The following SETD6 variants were observed in gnomAD, a reference collection of about 807,000 sequenced individuals.
SETD6 encodes the protein SET domain containing 6, protein lysine methyltransferase.
A neutral mutation model predicts 52.7 loss-of-function variants in SETD6; 67 were observed. That is an observed-to-expected ratio of 1.27 (90% confidence interval 1.04 to 1.56). The LOEUF is 1.56. Ranked by LOEUF, SETD6 falls within the 40% of genes most tolerant of loss-of-function variation. The probability of loss-of-function intolerance (pLI) is 0.00; values close to 1 mark genes in which losing one functional copy is unlikely to be tolerated. For missense variants in SETD6, 712 were observed against 607.5 expected (o/e 1.17, Z -1.81); for synonymous variants, 307 against 250.2 (o/e 1.23, Z -2.14).
rs749260064 is a variant in SETD6 at position 58,521,333 on chromosome 16, A to C, written c.*2304A>C. The C allele has an allele frequency of 1.2e-4, 196 of 1,593,902 alleles. No individual in the cohort carries two copies. Among genetic ancestry groups the C allele is most frequent in the Non-Finnish European group, 1.5e-4 (175 of 1,174,518 alleles). The stretch of plus-strand genomic sequence containing the variant: ...CAAGAGAACTCTGGAAAAAGGGAGA[A>C]AGAGCTAGTTAATGTATAGAAGCAT... On this transcript the variant is annotated 3_prime_UTR_variant, in exon 8 of 8. Transcript: ENST00000219315.
chr16:58,516,423 AC>A (rs1430568994), intron 3 of SETD6, 54 bp from the exon 4 acceptor site: 2 of 1,612,988 alleles, frequency 1.2e-6, no homozygotes, highest in Non-Finnish European at 1.7e-6. Context: ...CACCAGTCCT[AC>A]CCAGTAAAGT....
Position 58,518,897 on chromosome 16 carries a change from C to CTT in SETD6, c.1291_1292dup (p.Leu431PhefsTer2). On this transcript the variant is annotated frameshift_variant, in exon 8 of 8. Coordinates refer to ENST00000219315, the MANE Select transcript of SETD6 (RefSeq NM_001160305.4). LOFTEE classifies it high-confidence loss of function. ...TGACTTTGCAGACCTATGCCACAGA[C>CTT]TTAAAAACTGACCAAGGTTTACTCA... The CTT allele has an allele frequency of 6.2e-7, 1 of 1,614,154 alleles. No individual in the cohort carries two copies. The highest frequency in any genetic ancestry group is 8.5e-7 in the Non-Finnish European group (1 of 1,180,034).
rs749499838 is a variant in SETD6 at position 58,522,015 on chromosome 16, GAATT to G, written c.*2989_*2992del. 1.3e-5 allele frequency among the ~76,000 whole-genome samples: 2 copies of G among 151,226 alleles called. No homozygotes were observed. The highest frequency in any genetic ancestry group is 2.4e-5 in the African/African-American group (1 of 41,132). ...TCAATAAAAAGGAAACAGAAAATAAGAATTAAGTATTCTAACACTGCAGGCTGGG... is the reference window on the plus strand; with the variant it reads ...TCAATAAAAAGGAAACAGAAAATAAGAAGTATTCTAACACTGCAGGCTGGG... On this transcript the variant is annotated 3_prime_UTR_variant, in exon 8 of 8. Coordinates refer to ENST00000219315, the MANE Select transcript of SETD6 (RefSeq NM_001160305.4).
rs1183961399 is a variant in SETD6 at position 58,520,525 on chromosome 16, ATAT to A, written c.*1498_*1500del. On this transcript the variant is annotated 3_prime_UTR_variant, in exon 8 of 8. Coordinates refer to ENST00000219315, the MANE Select transcript of SETD6 (RefSeq NM_001160305.4). Reference sequence around the variant, plus strand: ...CCACATTAAAAAAATAAGTTACATAATATTCAAACTGGCTTTTTGCTATTCTTT... The same window carrying A: ...CCACATTAAAAAAATAAGTTACATAATCAAACTGGCTTTTTGCTATTCTTT... 5.8e-6 allele frequency: 1 copy of A among 173,684 alleles called. No individual in the cohort carries two copies. Among genetic ancestry groups the A allele is most frequent in the African/African-American group, 2.4e-5 (1 of 42,168 alleles). The allele number at this position is 173,684 out of a possible 1,614,324, so 10.8% of individuals were successfully genotyped here.
At position 58,520,753 on chromosome 16, in the gene SETD6, T is replaced by C; in HGVS notation, c.*1724T>C. On this transcript the variant is annotated 3_prime_UTR_variant, in exon 8 of 8. Transcript: ENST00000219315. The stretch of plus-strand genomic sequence containing the variant: ...TGATATTCACAGCATCTTCTAAATT[T>C]TGGCCAAGAGTCAAAAAAATGCATT... 1.7e-6 allele frequency: 1 copy of C among 574,304 alleles called. No individual in the cohort carries two copies. Among genetic ancestry groups the C allele is most frequent in the Non-Finnish European group, 3.1e-6 (1 of 321,828 alleles). 35.6% of individuals were successfully genotyped at this position (574,304 alleles called of 1,614,324 possible). A position where few individuals can be genotyped will look rare whatever the true frequency, so the allele number is the denominator to read the frequency against.
At chr16:58,517,304 C>A in intron 5 of SETD6, 1 of 330,384 alleles carries the variant, frequency 3.0e-6, no homozygotes, top group Non-Finnish European at 5.9e-6. Context: ...ATTCACAGGC[C>A]AAAGGTCTAA....
chr16:58,523,213 G>T lies in SETD6; in HGVS notation c.*4184G>T. The T allele has an allele frequency of 1.5e-6, 1 of 670,998 alleles. No homozygotes were observed. Among genetic ancestry groups the T allele is most frequent in the Non-Finnish European group, 2.3e-6 (1 of 435,474 alleles). The allele number at this position is 670,998 out of a possible 1,614,324, so 41.6% of individuals were successfully genotyped here. A position where few individuals can be genotyped will look rare whatever the true frequency, so the allele number is the denominator to read the frequency against. On this transcript the variant is annotated 3_prime_UTR_variant, in exon 8 of 8. Transcript: ENST00000219315. ...TGAGCCAAGATGGCGCCACTGTACT[G>T]CAGACTGAGTGACAGAGCAACACTC... is the stretch of plus-strand genomic sequence containing the variant.
In SETD6 at chr16:58,521,065, T is replaced by C. The variant is rs2039350337; in HGVS notation, c.*2036T>C. ...AAGGATGAAGACAGTTACAAATCTC[T>C]GATTAAAGAGTAGGCCTAACAATAC... On this transcript the variant is annotated 3_prime_UTR_variant, in exon 8 of 8. Transcript: ENST00000219315. The C allele has an allele frequency of 1.2e-6, 2 of 1,613,878 alleles. No individual in the cohort carries two copies. The highest frequency in any genetic ancestry group is 2.2e-5 in the South Asian group (2 of 91,088).
At chr16:58,516,383 A>G in intron 3 of SETD6, 40 bp downstream of exon 3, 1 of 1,569,650 alleles carries the variant, frequency 6.4e-7, no homozygotes, top group Non-Finnish European at 8.6e-7. Context: ...CCTGCACCGT[A>G]GCCTGCTGCA....
chr16:58,517,949 C>A, intron 5 of SETD6, 102 bp from the exon 6 acceptor site: 1 of 1,435,032 alleles, frequency 7.0e-7, no homozygotes, highest in South Asian at 1.2e-5. Flanking sequence ...CAGCATCAGT[C>A]ATGGCTGAAC....
Position 58,520,894 on chromosome 16 carries a change from C to A in SETD6, c.*1865C>A, listed in dbSNP as rs1485588324. The A allele has an allele frequency of 3.3e-6, 5 of 1,514,050 alleles. No homozygotes were observed. The highest frequency in any genetic ancestry group is 1.1e-5 in the South Asian group (1 of 89,210). The allele number at this position is 1,514,050 out of a possible 1,614,324, so 93.8% of individuals were successfully genotyped here. A position where few individuals can be genotyped will look rare whatever the true frequency, so the allele number is the denominator to read the frequency against. ...GGAAGAGCTGAAAGGATTCTTCAGT[C>A]AGTTTATGAACTCGGTGCAGTGAGA... On this transcript the variant is annotated 3_prime_UTR_variant, in exon 8 of 8. Coordinates refer to ENST00000219315, the MANE Select transcript of SETD6 (RefSeq NM_001160305.4).
In SETD6 at chr16:58,519,584, A is replaced by G. The variant is rs935521206; in HGVS notation, c.*555A>G. The stretch of plus-strand genomic sequence containing the variant: ...TCTCTGGCCATAAAACTTGACAGTC[A>G]TGAAAGGTAAGGCAAATTTTAAGTG... On this transcript the variant is annotated 3_prime_UTR_variant, in exon 8 of 8. Coordinates refer to ENST00000219315, the MANE Select transcript of SETD6 (RefSeq NM_001160305.4). 1 of 152,202 alleles carries G rather than the reference A, an allele frequency of 6.6e-6. No individual in the cohort carries two copies. The highest frequency in any genetic ancestry group is 1.5e-5 in the Non-Finnish European group (1 of 68,134). The allele number at this position is 152,202 out of a possible 1,614,324, so 9.4% of individuals were successfully genotyped here.
intron 5 of SETD6, 137 bp downstream of exon 5, chr16:58,517,065 C>T: frequency 7.9e-7 from 1 of 1,271,022 alleles, no homozygotes. Flanking sequence ...ATGCATATTA[C>T]TGTAGAATCA....
rs1247339376 is a variant in SETD6, at chr16:58,517,158, G to A, written c.792+230G>A. On this transcript the variant is annotated intron_variant, in intron 5 of 7. Transcript: ENST00000219315. ...ACTATACTACCATCATTTATTTAGT[G>A]CTAGACATTGAGTGGTCTGCATAGC... The A allele has an allele frequency of 1.4e-5, 8 of 584,566 alleles. No homozygotes were observed. In the East Asian group the frequency reaches 2.4e-4, roughly 17 times the overall value. The allele number at this position is 584,566 out of a possible 1,614,324, so 36.2% of individuals were successfully genotyped here. A position where few individuals can be genotyped will look rare whatever the true frequency, so the allele number is the denominator to read the frequency against.
chr16:58,516,597 A>AC lies in SETD6; in HGVS notation c.600dup (p.Asp201ArgfsTer24). 1 of 1,613,972 alleles carries AC rather than the reference A, an allele frequency of 6.2e-7. No homozygotes were observed. On this transcript the variant is annotated frameshift_variant, in exon 4 of 8. Transcript: ENST00000219315. LOFTEE classifies it high-confidence loss of function. The stretch of plus-strand genomic sequence containing the variant: ...ATCGTGCTGCCCTTCATGGAAGCCC[A>AC]CCCCGATCTCTTCAGCCTCAGGGTT...
At chr16:58,517,056 T>C in intron 5 of SETD6, 128 bp downstream of exon 5, 1 of 1,313,124 alleles carries the variant, frequency 7.6e-7, no homozygotes, top group East Asian at 2.3e-5. Flanking sequence ...CCTTTTAGTA[T>C]GCATATTACT....
chr16:58,523,295 G>C lies in SETD6; in HGVS notation c.*4266G>C, dbSNP rs930223260. 14 of 1,428,068 alleles carry C rather than the reference G, an allele frequency of 9.8e-6. No homozygotes were observed. In the South Asian group the frequency reaches 1.7e-4, roughly 17 times the overall value. 88.5% of individuals were successfully genotyped at this position (1,428,068 alleles called of 1,614,324 possible). A position where few individuals can be genotyped will look rare whatever the true frequency, so the allele number is the denominator to read the frequency against. On this transcript the variant is annotated 3_prime_UTR_variant, in exon 8 of 8. Transcript: ENST00000219315. ...AACGGATTTTCACTGAACACTGAAA[G>C]CATAAAGAGGAAAAAAAAAAGATGA...
rs1448526217 is a variant in SETD6, at chr16:58,519,812, A to T, written c.*783A>T. ...AGCTTAGTAGTAGGAATGACCTATC[A>T]ATCAATCAATCAATCATTCAGCAAG... On this transcript the variant is annotated 3_prime_UTR_variant, in exon 8 of 8. Coordinates refer to ENST00000219315, the MANE Select transcript of SETD6 (RefSeq NM_001160305.4). 2 of 139,714 alleles carry T rather than the reference A, an allele frequency of 1.4e-5. No homozygotes were observed. The highest frequency in any genetic ancestry group is 5.0e-5 in the African/African-American group (2 of 39,784). The allele number at this position is 139,714 out of a possible 1,614,324, so 8.7% of individuals were successfully genotyped here.
chr16:58,515,801 C>A lies in SETD6; in HGVS notation c.38C>A (p.Pro13His). ...TQAKRPRVAGPVDGGDLDPVA... is the reference protein window; with the variant it reads ...TQAKRPRVAGHVDGGDLDPVA... ...GCGCACTTATCTCAGGTGGCGGGGC[C>A]CGTGGACGGCGGCGACCTGGATCCT... Residue 13 changes from proline (P) to histidine (H), a missense_variant, in exon 2 of 8, where the codon CCC (proline) becomes CAC (histidine). Pro to His is a moderately conservative substitution (Grantham distance 77). Coordinates refer to ENST00000219315, the MANE Select transcript of SETD6 (RefSeq NM_001160305.4). 1.3e-6 allele frequency: 2 copies of A among 1,515,886 alleles called. No homozygotes were observed. Among genetic ancestry groups the A allele is most frequent in the Non-Finnish European group, 1.8e-6 (2 of 1,141,110 alleles). 93.9% of individuals were successfully genotyped at this position (1,515,886 alleles called of 1,614,324 possible). A position where few individuals can be genotyped will look rare whatever the true frequency, so the allele number is the denominator to read the frequency against.
Sources: allele counts gnomAD v4.1 joint callset (sites outside exome capture counted in the v4.1 genomes callset), GRCh38; gene constraint gnomAD v4.1.1; transcripts MANE v1.5; gene names NCBI Gene and HGNC (gene_info 2026-07-23, HGNC 2026-07-21).